The following CD55 variants were observed in gnomAD, a reference collection of about 807,000 sequenced individuals.
The protein encoded by CD55 is complement decay-accelerating factor.
Under a neutral mutation model 45.8 loss-of-function variants are expected in CD55, and 41 were observed. The observed-to-expected ratio is 0.90, with a 90% CI of 0.70 to 1.16. The LOEUF is 1.16. CD55 is among the 50% of genes most tolerant of loss of function. The pLI is 0.00. For missense variants in CD55, 416 were observed against 469.8 expected, an observed-to-expected ratio of 0.89 and a Z score of 1.06; for synonymous variants, 181 against 181.1, an observed-to-expected ratio of 1.00 and a Z score of 0.01.
intron 2 of CD55, among the ~76,000 whole-genome samples, chr1:207,323,071 C>A (rs1038931726): frequency 1.3e-5 from 2 of 151,884 alleles, no homozygotes; most frequent in African/African-American, 4.8e-5. Flanking sequence ...ATAGCCAGTA[C>A]CTCAAACACT....
intron 9 of CD55, among the ~76,000 whole-genome samples, chr1:207,349,587 G>T (rs964152591): frequency 2.6e-5 from 4 of 152,248 alleles, no homozygotes; most frequent in East Asian, 3.9e-4. Context: ...TCTCTATAGA[G>T]ATCATTCACC....
At chr1:207,336,626 A>G in intron 6 of CD55, 67 bp from the exon 7 acceptor site, 1 of 1,562,842 alleles carries the variant, frequency 6.4e-7, no homozygotes. Flanking sequence ...AGAGCAAGCA[A>G]TGGCTAAGAA....
intron 9 of CD55, among the ~76,000 whole-genome samples, chr1:207,352,879 T>G (rs1199216968): frequency 1.3e-5 from 2 of 152,204 alleles, no homozygotes; most frequent in East Asian, 3.9e-4. Flanking sequence ...CTGATTTTTT[T>G]TAATGTATTA....
At chr1:207,327,095 T>C (rs1654720031) in intron 5 of CD55, among the ~76,000 whole-genome samples, 1 of 152,238 alleles carries the variant, frequency 6.6e-6, no homozygotes, top group African/African-American at 2.4e-5. Flanking sequence ...AGGTTTGTAT[T>C]GCACTTGGTC....
rs1390787218 is a variant in CD55 at position 207,322,409 on chromosome 1, C to CTAA, written c.130_132dup (p.Asn44dup). On this transcript the variant is annotated inframe_insertion, in exon 2 of 10. Transcript: ENST00000367064. The stretch of plus-strand genomic sequence containing the variant: ...GACTGTGGCCTTCCCCCAGATGTAC[C>CTAA]TAATGCCCAGCCAGCTTTGGAAGGC... 1 of 1,614,120 alleles carries CTAA rather than the reference C, an allele frequency of 6.2e-7. No homozygotes were observed. Among genetic ancestry groups the CTAA allele is most frequent in the Non-Finnish European group, 8.5e-7 (1 of 1,179,964 alleles).
At chr1:207,328,309 A>G (rs1224420615) in intron 5 of CD55, among the ~76,000 whole-genome samples, 1 of 152,172 alleles carries the variant, frequency 6.6e-6, no homozygotes, top group East Asian at 1.9e-4. Flanking sequence ...AGTGCCTTCA[A>G]ATATCCCTAT....
At chr1:207,350,979 G>A (rs1655846422) in intron 9 of CD55, among the ~76,000 whole-genome samples, 1 of 152,062 alleles carries the variant, frequency 6.6e-6, no homozygotes, top group Non-Finnish European at 1.5e-5. Flanking sequence ...TTTTGATGTA[G>A]GTGTTTAATG....
In CD55 at chr1:207,334,414, A is replaced by T. The variant is rs79704059; in HGVS notation, c.854-2279A>T. Among the ~76,000 whole-genome samples the T allele has an allele frequency of 1.4e-3, 209 of 152,340 alleles. 7 individuals carry two copies. In the East Asian group the frequency reaches 0.03, roughly 22 times the overall value. On this transcript the variant is annotated intron_variant, in intron 6 of 9. Transcript: ENST00000367064. ...GAAATTCTTCAAGTAGAATGAAAAT[A>T]ATGCCAGGTAAAACATGAAAATACA...
chr1:207,322,998 A>C (rs1352581876), intron 2 of CD55, among the ~76,000 whole-genome samples: 1 of 152,160 alleles, frequency 6.6e-6, no homozygotes, highest in Non-Finnish European at 1.5e-5. Flanking sequence ...GTACATATTT[A>C]TAGGGTACAT....
At chr1:207,338,975 G>C (rs924605410) in intron 8 of CD55, among the ~76,000 whole-genome samples, 13 of 152,084 alleles carry the variant, frequency 8.5e-5, no homozygotes, top group Non-Finnish European at 1.6e-4. Flanking sequence ...TAAATAATAA[G>C]GTGATATGGC....
chr1:207,324,711 C>T lies in CD55; in HGVS notation c.439C>T (p.Gln147Ter). ...TCTATCACCAAAACTAACTTGCCTTCAGAATTTAAAATGGTCCACAGCAGT... is the reference window on the plus strand; with the variant it reads ...TCTATCACCAAAACTAACTTGCCTTTAGAATTTAAAATGGTCCACAGCAGT... ...PSLSPKLTCL[Q>*]NLKWSTAVEF... Residue 147 changes from glutamine (Q) to a stop codon, truncating the protein, a stop_gained, in exon 3 of 10, where the codon CAG (glutamine) becomes TAG (stop). Coordinates refer to ENST00000367064, the MANE Select transcript of CD55 (RefSeq NM_000574.5). LOFTEE classifies it high-confidence loss of function. The T allele has an allele frequency of 3.1e-6, 5 of 1,613,004 alleles. No individual in the cohort carries two copies. The highest frequency in any genetic ancestry group is 4.2e-6 in the Non-Finnish European group (5 of 1,179,570).
chr1:207,356,452 C>T (rs1170305586), intron 9 of CD55, among the ~76,000 whole-genome samples: 1 of 152,118 alleles, frequency 6.6e-6, no homozygotes, highest in African/African-American at 2.4e-5. Flanking sequence ...TATTAATCCA[C>T]TGATTTTTTT....
intron 9 of CD55, among the ~76,000 whole-genome samples, chr1:207,345,835 G>A (rs555282966): frequency 6.6e-6 from 1 of 152,296 alleles, no homozygotes; most frequent in East Asian, 1.9e-4. Context: ...ATGACTTTCA[G>A]CTGTAAATAT....
At position 207,325,608 on chromosome 1, in the gene CD55, GTATTC is replaced by G; in HGVS notation, c.479-6_479-2del. On this transcript the variant is annotated splice_polypyrimidine_tract_variant and intron_variant, in intron 3 of 9. Coordinates refer to ENST00000367064, the MANE Select transcript of CD55 (RefSeq NM_000574.5). ...TAATTTAATTTTAAAAAATCAATTTGTATTCTATTCTAGAGAAATCATGCCCTAAT... is the reference window on the plus strand; with the variant it reads ...TAATTTAATTTTAAAAAATCAATTTGTATTCTAGAGAAATCATGCCCTAAT... The G allele has an allele frequency of 6.6e-7, 1 of 1,526,528 alleles. No homozygotes were observed. Among genetic ancestry groups the G allele is most frequent in the South Asian group, 1.1e-5 (1 of 87,690 alleles). 94.6% of individuals were successfully genotyped at this position (1,526,528 alleles called of 1,614,324 possible).
Position 207,359,652 on chromosome 1 carries a change from C to T in CD55, c.*42C>T. 6.5e-7 allele frequency: 1 copy of T among 1,550,342 alleles called. No individual in the cohort carries two copies. On this transcript the variant is annotated 3_prime_UTR_variant, in exon 10 of 10. Transcript: ENST00000367064. ...AAGAAAATACACACAAGTATACAGA[C>T]TGTTCCTAGTTTCTTAGACTTATCT...
At chr1:207,323,546 A>C (rs1327885113) in intron 2 of CD55, among the ~76,000 whole-genome samples, 1 of 152,138 alleles carries the variant, frequency 6.6e-6, no homozygotes, top group Non-Finnish European at 1.5e-5. Flanking sequence ...GGAGGAAAAA[A>C]ATCTGTTACT....
chr1:207,344,537 G>A (rs1160014404), intron 9 of CD55, among the ~76,000 whole-genome samples: 1 of 151,898 alleles, frequency 6.6e-6, no homozygotes, highest in African/African-American at 2.4e-5. Context: ...TTCTTTCAGC[G>A]CTTTGAGTAT....
intron 9 of CD55, among the ~76,000 whole-genome samples, chr1:207,353,432 C>G (rs1317810846): frequency 2.6e-5 from 4 of 151,948 alleles, no homozygotes; most frequent in Admixed American, 2.6e-4. Context: ...ACTTATTTAT[C>G]CTTTAAACTT....
rs749330187 is a variant in CD55 at position 207,325,742 on chromosome 1, A to T, written c.578+21A>T. 9 of 1,406,116 alleles carry T rather than the reference A, an allele frequency of 6.4e-6. No homozygotes were observed. In the Admixed American group the frequency reaches 1.6e-4, roughly 25 times the overall value. The allele number at this position is 1,406,116 out of a possible 1,614,324, so 87.1% of individuals were successfully genotyped here. A position where few individuals can be genotyped will look rare whatever the true frequency, so the allele number is the denominator to read the frequency against. On this transcript the variant is annotated intron_variant, in intron 4 of 9. Transcript: ENST00000367064. ...ACAGGGTAAGTTTGGGCATACTAAA[A>T]CCCTGTATTTAGGAAATGAGAAAAC...
Sources: gnomAD v4.1 joint callset for allele counts (sites outside exome capture counted in the v4.1 genomes callset) on GRCh38, gnomAD v4.1.1 for gene constraint, MANE v1.5 for transcripts, NCBI Gene and HGNC (gene_info 2026-07-23, HGNC 2026-07-21) for gene names.